The following NRG1 variants were observed in gnomAD, a reference collection of about 807,000 sequenced individuals.
The protein encoded by NRG1 is pro-neuregulin-1, membrane-bound isoform.
Under a neutral mutation model 63.8 loss-of-function variants are expected in NRG1, and 18 were observed. That is an observed-to-expected ratio of 0.28 (90% confidence interval 0.19 to 0.42). The LOEUF (loss-of-function observed/expected upper bound fraction) is 0.42, where lower values mean the gene tolerates loss of function less well. Ranked by LOEUF, NRG1 falls within the 10% of genes least tolerant of loss-of-function variation. The probability of loss-of-function intolerance (pLI) is 1.00; values close to 1 mark genes in which losing one functional copy is unlikely to be tolerated. For synonymous variants in NRG1, 302 were observed against 301.3 expected, an observed-to-expected ratio of 1.00 and a Z score of -0.02; for missense variants, 762 against 814.7, an observed-to-expected ratio of 0.94 and a Z score of 0.79.
chr8:32,204,322 T>C (rs60914203), intron 1 of NRG1, among the ~76,000 whole-genome samples: 3,605 of 152,304 alleles, frequency 0.024, 149 homozygotes, highest in African/African-American at 0.083. Context: ...TTTAACAAGA[T>C]GGCTCTTATT....
At chr8:32,447,444 C>A (rs895534616) in intron 1 of NRG1, among the ~76,000 whole-genome samples, 5 of 152,102 alleles carry the variant, frequency 3.3e-5, no homozygotes, top group African/African-American at 1.2e-4. Context: ...CTGTGGGAAA[C>A]ATTTACATCA....
chr8:31,839,630 AGCCCAC>A (rs1826005803), intron 1 of NRG1, among the ~76,000 whole-genome samples: 1 of 152,202 alleles, frequency 6.6e-6, no homozygotes, highest in Non-Finnish European at 1.5e-5. Flanking sequence ...GTTGCAAAGT[AGCCCAC>A]TGTCTCTTTT....
chr8:32,724,070 TAGTA>T (rs1260044870), intron 5 of NRG1, among the ~76,000 whole-genome samples: 9 of 152,252 alleles, frequency 5.9e-5, no homozygotes, highest in African/African-American at 1.9e-4. Flanking sequence ...ACCAACCTAA[TAGTA>T]AGTTTCTGCT....
intron 1 of NRG1, among the ~76,000 whole-genome samples, chr8:32,515,571 T>C (rs1218599265): frequency 6.6e-6 from 1 of 151,894 alleles, no homozygotes; most frequent in Non-Finnish European, 1.5e-5. Flanking sequence ...AGCCCCCAAA[T>C]AGCTGGAACT....
chr8:32,092,969 G>C (rs1331034732), intron 1 of NRG1, among the ~76,000 whole-genome samples: 1 of 152,146 alleles, frequency 6.6e-6, no homozygotes, highest in Admixed American at 6.5e-5. Context: ...ACTGGGATAC[G>C]TATCTTGGCC....
intron 1 of NRG1, among the ~76,000 whole-genome samples, chr8:32,310,072 G>A (rs1203015772): frequency 2.0e-5 from 3 of 152,142 alleles, no homozygotes; most frequent in Non-Finnish European, 4.4e-5. Flanking sequence ...GCCAGTGCCC[G>A]CTCTCTGCAG....
chr8:31,886,274 A>G (rs1830711156), intron 1 of NRG1, among the ~76,000 whole-genome samples: 1 of 152,100 alleles, frequency 6.6e-6, no homozygotes, highest in Non-Finnish European at 1.5e-5. Flanking sequence ...AACAGTGTGG[A>G]AAATGTAGAA....
Position 32,572,978 on chromosome 8 carries a change from T to G in NRG1, c.101-22850T>G, listed in dbSNP as rs371428541. Among the ~76,000 whole-genome samples, 7 of 152,368 alleles carry G rather than the reference T, an allele frequency of 4.6e-5. No homozygotes were observed. In the East Asian group the frequency reaches 5.8e-4, roughly 13 times the overall value. On this transcript the variant is annotated intron_variant, in intron 1 of 11. Coordinates refer to ENST00000356819, the Ensembl canonical transcript of NRG1. ...TTTCGCCACCATTTTTCCTAATCTGTATATCCTATCCCCACTTGCAAACAA... is the reference window on the plus strand; with the variant it reads ...TTTCGCCACCATTTTTCCTAATCTGGATATCCTATCCCCACTTGCAAACAA...
At chr8:31,731,213 A>G (rs1346813869) in intron 1 of NRG1, among the ~76,000 whole-genome samples, 1 of 152,172 alleles carries the variant, frequency 6.6e-6, no homozygotes, top group African/African-American at 2.4e-5. Flanking sequence ...AGGCAAAGCT[A>G]TATATACAAA....
intron 1 of NRG1, among the ~76,000 whole-genome samples, chr8:32,244,313 A>C (rs966809973): frequency 3.9e-5 from 6 of 152,172 alleles, no homozygotes; most frequent in Admixed American, 2.6e-4. Flanking sequence ...GCATATTTAT[A>C]TTTAGAAATT....
chr8:31,780,538 T>A (rs1302456233), intron 1 of NRG1, among the ~76,000 whole-genome samples: 1 of 152,226 alleles, frequency 6.6e-6, no homozygotes, highest in Non-Finnish European at 1.5e-5. Flanking sequence ...TTCTGAGAGT[T>A]GTAAAAATTA....
At chr8:31,757,191 T>C (rs114508921) in intron 1 of NRG1, among the ~76,000 whole-genome samples, 458 of 152,222 alleles carry the variant, frequency 3.0e-3, no homozygotes, top group African/African-American at 0.011. Context: ...TCACACATTT[T>C]CTCCCTCTTA....
intron 1 of NRG1, among the ~76,000 whole-genome samples, chr8:32,052,810 T>C (rs1822201749): frequency 6.6e-6 from 1 of 152,148 alleles, no homozygotes; most frequent in Non-Finnish European, 1.5e-5. Flanking sequence ...TGTTCTCTCA[T>C]AGTTCTATGG....
At chr8:31,678,449 TAGA>T (rs1807958474) in intron 1 of NRG1, among the ~76,000 whole-genome samples, 1 of 152,236 alleles carries the variant, frequency 6.6e-6, no homozygotes, top group South Asian at 2.1e-4. Context: ...CCATTGAATT[TAGA>T]AGTTTTCTTA....
At chr8:32,060,133 T>C (rs538642628) in intron 1 of NRG1, among the ~76,000 whole-genome samples, 2 of 152,140 alleles carry the variant, frequency 1.3e-5, no homozygotes, top group East Asian at 3.9e-4. Flanking sequence ...GTATCTTTTG[T>C]CTTTGTTCAT....
At chr8:31,935,947 T>C (rs1304165202) in intron 1 of NRG1, among the ~76,000 whole-genome samples, 1 of 152,042 alleles carries the variant, frequency 6.6e-6, no homozygotes, top group Non-Finnish European at 1.5e-5. Context: ...AGGAGGAGAA[T>C]ATGGCCTAGT....
At chr8:31,691,475 G>T (rs1809502888) in intron 1 of NRG1, among the ~76,000 whole-genome samples, 1 of 151,244 alleles carries the variant, frequency 6.6e-6, no homozygotes, top group South Asian at 2.1e-4. Flanking sequence ...GGCAACTGTA[G>T]TCCCAGCTAC....
At chr8:31,823,106 C>T (rs920615295) in intron 1 of NRG1, among the ~76,000 whole-genome samples, 8 of 142,792 alleles carry the variant, frequency 5.6e-5, no homozygotes, top group African/African-American at 2.1e-4. Context: ...TGCTTGAATG[C>T]TGTCCTTGTT....
At chr8:32,181,469 C>T (rs570329180) in intron 1 of NRG1, among the ~76,000 whole-genome samples, 8 of 152,150 alleles carry the variant, frequency 5.3e-5, no homozygotes, top group Non-Finnish European at 1.2e-4. Flanking sequence ...CTGGCATATG[C>T]AGGCACACAA....
Sources: allele counts gnomAD v4.1 joint callset (sites outside exome capture counted in the v4.1 genomes callset), GRCh38; gene constraint gnomAD v4.1.1; transcripts MANE v1.5; gene names NCBI Gene and HGNC (gene_info 2026-07-23, HGNC 2026-07-21).